Variants in BCKDHB observed in about 807,000 individuals in gnomAD.
BCKDHB encodes 2-oxoisovalerate dehydrogenase subunit beta, mitochondrial.
Under a neutral mutation model 48.5 loss-of-function variants are expected in BCKDHB, and 41 were observed. The ratio of observed to expected loss-of-function variants is 0.85; its 90% CI spans 0.66 to 1.10. The LOEUF (loss-of-function observed/expected upper bound fraction) is 1.10. Ranked by LOEUF, BCKDHB falls within the 50% of genes least tolerant of loss-of-function variation. The probability of loss-of-function intolerance (pLI) is 0.00; values close to 1 mark genes in which losing one functional copy is unlikely to be tolerated. For synonymous variants in BCKDHB, 201 were observed against 174.8 expected (o/e 1.15, Z -1.18); for missense variants, 496 against 494.2 (o/e 1.00, Z -0.03).
intron 1 of BCKDHB, among the ~76,000 whole-genome samples, chr6:80,111,408 A>G (rs1769400075): frequency 2.0e-5 from 3 of 152,202 alleles, no homozygotes; most frequent in Admixed American, 2.0e-4. Context: ...GAGCAGGGCC[A>G]GTCAATCTTC....
the BCKDHB span, among the ~76,000 whole-genome samples, chr6:80,403,835 CAT>C: frequency 2.0e-5 from 3 of 151,926 alleles, no homozygotes; most frequent in African/African-American, 7.2e-5. Flanking sequence ...TTAAGATAAT[CAT>C]ATGTTTCTTA....
At chr6:80,286,168 C>T (rs191078354) in intron 9 of BCKDHB, among the ~76,000 whole-genome samples, 4 of 152,012 alleles carry the variant, frequency 2.6e-5, no homozygotes, top group South Asian at 4.1e-4. Context: ...GATATTTGGG[C>T]GATCAGCACA....
chr6:80,221,212 A>G (rs1775435547), intron 8 of BCKDHB, among the ~76,000 whole-genome samples: 1 of 151,730 alleles, frequency 6.6e-6, no homozygotes, highest in Admixed American at 6.6e-5. Flanking sequence ...CTTCCACTGT[A>G]CCTCCATTTA....
chr6:80,195,989 A>G lies in BCKDHB; in HGVS notation c.743-4945A>G, dbSNP rs371936525. On this transcript the variant is annotated intron_variant, in intron 6 of 9. Coordinates refer to ENST00000320393, the MANE Select transcript of BCKDHB (RefSeq NM_183050.4). The stretch of plus-strand genomic sequence containing the variant: ...TGTAATGCAATATGAATAAAGCCCT[A>G]TCCGAGTTTCATGTTTGTGGGGAAA... Among the ~76,000 whole-genome samples the G allele has an allele frequency of 3.9e-5, 6 of 152,282 alleles. No individual in the cohort carries two copies. In the East Asian group the frequency reaches 9.7e-4, roughly 25 times the overall value.
At chr6:80,272,251 T>G (rs1330289433) in intron 8 of BCKDHB, among the ~76,000 whole-genome samples, 4 of 152,206 alleles carry the variant, frequency 2.6e-5, no homozygotes, top group Non-Finnish European at 2.9e-5. Context: ...ATGAAATCTT[T>G]TATTTCAATA....
At chr6:80,402,297 T>A in the BCKDHB span, among the ~76,000 whole-genome samples, 12 of 151,966 alleles carry the variant, frequency 7.9e-5, no homozygotes, top group South Asian at 2.1e-4. Flanking sequence ...TGTCTTTTTA[T>A]AATAACCAAT....
chr6:80,197,098 G>A (rs933000948), intron 6 of BCKDHB, among the ~76,000 whole-genome samples: 4 of 152,086 alleles, frequency 2.6e-5, no homozygotes, highest in Non-Finnish European at 4.4e-5. Flanking sequence ...GACTCTGTGT[G>A]GTGCTCTTTA....
At chr6:80,429,939 T>C in the BCKDHB span, among the ~76,000 whole-genome samples, 13 of 152,336 alleles carry the variant, frequency 8.5e-5, no homozygotes, top group African/African-American at 2.9e-4. Context: ...CCTTGTCTCG[T>C]GCCGGTTTTC....
chr6:80,177,736 A>G (rs1773231677), intron 6 of BCKDHB, among the ~76,000 whole-genome samples: 1 of 152,138 alleles, frequency 6.6e-6, no homozygotes, highest in South Asian at 2.1e-4. Flanking sequence ...TCAAGTCTGG[A>G]GTAGTAGTCC....
At chr6:80,140,412 T>C (rs568491342) in intron 3 of BCKDHB, among the ~76,000 whole-genome samples, 27 of 152,224 alleles carry the variant, frequency 1.8e-4, no homozygotes, top group African/African-American at 5.3e-4. Context: ...CCAGTTTTTG[T>C]CCATTCAGTA....
intron 3 of BCKDHB, among the ~76,000 whole-genome samples, chr6:80,166,997 C>T (rs1582270605): frequency 6.6e-6 from 1 of 152,240 alleles, no homozygotes; most frequent in African/African-American, 2.4e-5. Context: ...TCATCTCCCA[C>T]TATGTGGTGA....
At chr6:80,358,105 A>G in the BCKDHB span, among the ~76,000 whole-genome samples, 2 of 150,800 alleles carry the variant, frequency 1.3e-5, no homozygotes, top group African/African-American at 4.9e-5. Context: ...TGTATATGTC[A>G]TTTTTTTTTC....
intron 8 of BCKDHB, among the ~76,000 whole-genome samples, chr6:80,263,893 A>G (rs1421716243): frequency 6.6e-6 from 1 of 152,138 alleles, no homozygotes; most frequent in Non-Finnish European, 1.5e-5. Flanking sequence ...TATGATGGCC[A>G]GACATAGTAT....
In BCKDHB at chr6:80,167,811, G is replaced by A; in HGVS notation, c.477G>A (p.Gln159=). ...FADYIFPAFD[Q]IVNEAAKYRY... is the part of the protein sequence containing the mutation. ...ATTATATTTTCCCTGCATTTGATCA[G>A]GTAAGTGAATGAACATTTCTAAGGT... The change falls in exon 4 of 10, where the codon CAG becomes CAA. Residue 159 remains glutamine, a splice_region_variant and synonymous_variant. Transcript: ENST00000320393. The A allele has an allele frequency of 6.2e-7, 1 of 1,613,376 alleles. No individual in the cohort carries two copies. The highest frequency in any genetic ancestry group is 8.5e-7 in the Non-Finnish European group (1 of 1,179,630).
the BCKDHB span, among the ~76,000 whole-genome samples, chr6:80,389,571 A>G: frequency 6.6e-6 from 1 of 152,172 alleles, no homozygotes; most frequent in African/African-American, 2.4e-5. Context: ...TTTATCCACC[A>G]TCATGGTGTT....
the BCKDHB span, among the ~76,000 whole-genome samples, chr6:80,375,291 C>A: frequency 6.6e-6 from 1 of 152,138 alleles, no homozygotes; most frequent in Non-Finnish European, 1.5e-5. Flanking sequence ...ACCAATTATT[C>A]TTAGGTTTGG....
At chr6:80,238,831 A>G (rs950340605) in intron 8 of BCKDHB, among the ~76,000 whole-genome samples, 1 of 151,944 alleles carries the variant, frequency 6.6e-6, no homozygotes, top group East Asian at 1.9e-4. Flanking sequence ...ATTCCCACCT[A>G]TGAGTGAGAA....
chr6:80,157,800 G>A (rs1247901011), intron 3 of BCKDHB, among the ~76,000 whole-genome samples: 1 of 151,742 alleles, frequency 6.6e-6, no homozygotes, highest in East Asian at 1.9e-4. Context: ...TATTTGGGTG[G>A]GCCTATAGTC....
At chr6:80,354,168 G>C in the BCKDHB span, among the ~76,000 whole-genome samples, 1 of 152,018 alleles carries the variant, frequency 6.6e-6, no homozygotes, top group Non-Finnish European at 1.5e-5. Context: ...CTGTTATACT[G>C]TGCAGAAGTT....
Sources: gnomAD v4.1 joint callset for allele counts (sites outside exome capture counted in the v4.1 genomes callset) on GRCh38, gnomAD v4.1.1 for gene constraint, MANE v1.5 for transcripts, NCBI Gene and HGNC (gene_info 2026-07-23, HGNC 2026-07-21) for gene names.